NBAS: variants seen among roughly 807,000 people sequenced by gnomAD.
NBAS encodes NAG/BC035112 fusion.
A neutral mutation model predicts 302.5 loss-of-function variants in NBAS; 219 were observed. The ratio of observed to expected loss-of-function variants is 0.72; its 90% CI spans 0.65 to 0.81. The LOEUF is 0.81. Among genes scored for constraint, NBAS ranks in the 30% least tolerant of loss-of-function variants. NBAS has a pLI of 0.00. For synonymous variants in NBAS, 1,118 were observed against 1,021.6 expected, an observed-to-expected ratio of 1.09 and a Z score of -1.80; for missense variants, 2,932 against 2,841.6, an observed-to-expected ratio of 1.03 and a Z score of -0.72.
intron 47 of NBAS, among the ~76,000 whole-genome samples, chr2:15,230,536 T>C (rs186502466): frequency 4.4e-4 from 67 of 152,240 alleles, no homozygotes; most frequent in African/African-American, 1.5e-3. Flanking sequence ...AAACAGTCTG[T>C]ATTAGAGTAA....
At chr2:14,932,125 A>G in the NBAS span, among the ~76,000 whole-genome samples, 1 of 152,198 alleles carries the variant, frequency 6.6e-6, no homozygotes, top group Non-Finnish European at 1.5e-5. Flanking sequence ...CACCCCAGGT[A>G]GACCACTAGA....
chr2:15,192,828 A>G (rs1665426186), intron 48 of NBAS, among the ~76,000 whole-genome samples: 1 of 152,228 alleles, frequency 6.6e-6, no homozygotes, highest in East Asian at 1.9e-4. Context: ...ATAGTTAGTA[A>G]CAAGTAGTTT....
intron 32 of NBAS, among the ~76,000 whole-genome samples, chr2:15,357,126 C>T (rs1370522494): frequency 1.3e-5 from 2 of 152,096 alleles, no homozygotes; most frequent in African/African-American, 2.4e-5. Flanking sequence ...GAATTTGTAC[C>T]CTGTTAGGTG....
At chr2:14,906,508 G>A in the NBAS span, among the ~76,000 whole-genome samples, 26 of 152,270 alleles carry the variant, frequency 1.7e-4, no homozygotes, top group South Asian at 4.1e-4. Flanking sequence ...GAATTCAAAG[G>A]CACACGCTGT....
At chr2:15,077,615 T>C in the NBAS span, among the ~76,000 whole-genome samples, 1 of 152,136 alleles carries the variant, frequency 6.6e-6, no homozygotes, top group South Asian at 2.1e-4. Flanking sequence ...GATGTAATAA[T>C]GAAGCATGGG....
At chr2:15,371,990 C>T (rs1674509939) in intron 31 of NBAS, among the ~76,000 whole-genome samples, 1 of 152,112 alleles carries the variant, frequency 6.6e-6, no homozygotes, top group Non-Finnish European at 1.5e-5. Context: ...AATGAACAGA[C>T]ATTCCTTATA....
At chr2:15,076,226 T>G in the NBAS span, among the ~76,000 whole-genome samples, 14 of 152,202 alleles carry the variant, frequency 9.2e-5, no homozygotes, top group Non-Finnish European at 1.5e-4. Context: ...TCTTATCTGA[T>G]ACAAAAGTTT....
At chr2:15,130,412 TGGCAAGTACCCAGGTACCAAGG>T in the NBAS span, among the ~76,000 whole-genome samples, 5 of 152,216 alleles carry the variant, frequency 3.3e-5, no homozygotes, top group South Asian at 2.1e-4. Context: ...ATGGTACAGA[TGGCAAGTACCCAGGTACCAAGG>T]GGCAGGTACC....
At chr2:14,872,273 G>C in the NBAS span, among the ~76,000 whole-genome samples, 2 of 152,130 alleles carry the variant, frequency 1.3e-5, no homozygotes, top group Non-Finnish European at 2.9e-5. Context: ...GGGAAAGCCA[G>C]CAGCCTTCCT....
the NBAS span, among the ~76,000 whole-genome samples, chr2:14,876,322 A>G: frequency 6.6e-6 from 1 of 152,212 alleles, no homozygotes; most frequent in Non-Finnish European, 1.5e-5. Context: ...TAACAGAACT[A>G]GTGTATCCAC....
intron 11 of NBAS, among the ~76,000 whole-genome samples, chr2:15,500,119 T>C (rs1159064809): frequency 6.6e-6 from 1 of 152,224 alleles, no homozygotes; most frequent in Non-Finnish European, 1.5e-5. Context: ...TTTAAGAATA[T>C]TAAACATCAG....
chr2:15,130,283 T>C, the NBAS span, among the ~76,000 whole-genome samples: 13 of 152,362 alleles, frequency 8.5e-5, no homozygotes, highest in South Asian at 2.7e-3. Flanking sequence ...ATTTTGCTTA[T>C]TATTCATTCG....
intron 9 of NBAS, among the ~76,000 whole-genome samples, chr2:15,516,605 C>T (rs947691618): frequency 1.3e-5 from 2 of 152,008 alleles, no homozygotes; most frequent in Non-Finnish European, 2.9e-5. Context: ...CACCTGTAGA[C>T]CCAGCTACTC....
At chr2:15,352,838 G>A (rs1318239124) in intron 34 of NBAS, among the ~76,000 whole-genome samples, 3 of 152,050 alleles carry the variant, frequency 2.0e-5, no homozygotes, top group Admixed American at 6.6e-5. Flanking sequence ...CCAGTTTCAG[G>A]GGTTTTTTTC....
At chr2:15,214,541 T>C (rs1181529356) in intron 48 of NBAS, among the ~76,000 whole-genome samples, 3 of 152,222 alleles carry the variant, frequency 2.0e-5, no homozygotes, top group Non-Finnish European at 4.4e-5. Context: ...CTTCTAGTTC[T>C]AGGAATCTGT....
intron 21 of NBAS, among the ~76,000 whole-genome samples, chr2:15,439,723 G>A (rs879561075): frequency 1.8e-4 from 27 of 152,322 alleles, no homozygotes; most frequent in East Asian, 1.7e-3. Flanking sequence ...CTCGGGAAGC[G>A]CAAGGGGTCA....
intron 21 of NBAS, among the ~76,000 whole-genome samples, chr2:15,433,536 A>G (rs1281070822): frequency 1.3e-5 from 2 of 152,210 alleles, no homozygotes; most frequent in East Asian, 1.9e-4. Flanking sequence ...ATTTCCAAAT[A>G]CCTAACAACT....
chr2:15,138,835 A>G, the NBAS span, among the ~76,000 whole-genome samples: 4 of 152,254 alleles, frequency 2.6e-5, no homozygotes, highest in Non-Finnish European at 5.9e-5. Context: ...TAAAGAATGA[A>G]GAGTGGAATA....
chr2:15,214,061 A>T (rs1353578900), intron 48 of NBAS, among the ~76,000 whole-genome samples: 2 of 152,196 alleles, frequency 1.3e-5, no homozygotes, highest in Non-Finnish European at 2.9e-5. Context: ...CCATTATTCC[A>T]AGCAAATCAT....
Sources: gnomAD v4.1 joint callset for allele counts (sites outside exome capture counted in the v4.1 genomes callset) on GRCh38, gnomAD v4.1.1 for gene constraint, MANE v1.5 for transcripts, NCBI Gene and HGNC (gene_info 2026-07-23, HGNC 2026-07-21) for gene names.